SRRM5: variants seen among roughly 807,000 people sequenced by gnomAD.
SRRM5 encodes serine/arginine repetitive matrix 5, also known as serine/arginine repetitive matrix protein 5.
A neutral mutation model predicts 1.3 loss-of-function variants in SRRM5; 1 was observed. The ratio of observed to expected loss-of-function variants is 0.76; its 90% CI spans 0.27 to 3.59. SRRM5 has a LOEUF of 3.59. SRRM5 is among the 30% of genes most tolerant of loss of function. SRRM5 has a pLI of 0.19. For missense variants in SRRM5, 875 were observed against 914.5 expected (o/e 0.96, Z 0.56); for synonymous variants, 275 against 320.2 (o/e 0.86, Z 1.51).
rs1267440120 is a variant in SRRM5, at chr19:43,613,109, A to G, written c.988A>G (p.Ser330Gly). Residue 330 changes from serine (S) to glycine (G), a missense_variant, in exon 1 of 1, where the codon AGC (serine) becomes GGC (glycine). Coordinates refer to ENST00000417606, the MANE Select transcript of SRRM5 (RefSeq NM_001145641.2). The stretch of plus-strand genomic sequence containing the variant: ...AATTCTGAGCCAGATGGGAAGACAC[A>G]GCCAGTCTAGAAGCCACAGCAAGGG... ...KGILSQMGRH[S>G]QSRSHSKGKS... 1 of 1,551,672 alleles carries G rather than the reference A, an allele frequency of 6.4e-7. No homozygotes were observed. Among genetic ancestry groups the G allele is most frequent in the Admixed American group, 2.0e-5 (1 of 50,984 alleles).
chr19:43,613,509 G>T lies in SRRM5; in HGVS notation c.1388G>T (p.Arg463Leu), dbSNP rs918489460. ...CCCAACAAGGCAAGAGATCATAGCC[G>T]ATCTAGAAGTCCCAACAAGGCGAGA... ...RSPNKARDHS[R>L]SRSPNKARDR... The change falls in exon 1 of 1, where the codon CGA becomes CTA. Residue 463 changes from arginine to leucine, a missense_variant. Transcript: ENST00000417606. 16 of 1,550,394 alleles carry T rather than the reference G, an allele frequency of 1.0e-5. No individual in the cohort carries two copies. In the African/African-American group the frequency reaches 1.1e-4, roughly 11 times the overall value.
In SRRM5 at chr19:43,613,180, C is replaced by G; in HGVS notation, c.1059C>G (p.His353Gln). Residue 353 changes from histidine (H) to glutamine (Q), a missense_variant, in exon 1 of 1, where the codon CAC (histidine) becomes CAG (glutamine). His to Gln is a conservative substitution (Grantham distance 24, BLOSUM62 0). Coordinates refer to ENST00000417606, the MANE Select transcript of SRRM5 (RefSeq NM_001145641.2). Reference sequence around the variant, plus strand: ...GAACCCCCAGAAGAGGAAGAAGTCACAACTGGTCTAGAAACCCCAGCAAGG... The same window carrying G: ...GAACCCCCAGAAGAGGAAGAAGTCAGAACTGGTCTAGAAACCCCAGCAAGG... The part of the protein sequence containing the change: ...QSRTPRRGRS[H>Q]NWSRNPSKER... The G allele has an allele frequency of 6.4e-7, 1 of 1,551,704 alleles. No homozygotes were observed. Among genetic ancestry groups the G allele is most frequent in the Non-Finnish European group, 8.7e-7 (1 of 1,147,006 alleles).
Position 43,612,796 on chromosome 19 carries a change from T to G in SRRM5, c.675T>G (p.Ile225Met). 6.4e-7 allele frequency: 1 copy of G among 1,551,452 alleles called. No homozygotes were observed. The highest frequency in any genetic ancestry group is 8.7e-7 in the Non-Finnish European group (1 of 1,146,932). The change falls in exon 1 of 1, where the codon ATT (isoleucine) becomes ATG (methionine). Residue 225 changes from isoleucine to methionine, a missense_variant. Transcript: ENST00000417606. The surrounding 1 kb of genome is among the most constrained non-coding windows in gnomAD (Gnocchi z 4.2). The stretch of plus-strand genomic sequence containing the variant: ...CCAAGTGTCAAACCCCGACTGGAAT[T>G]CCCTCCAAGGAGAAGAGTGACAACC... ...STAKCQTPTG[I>M]PSKEKSDNPS...
chr19:43,614,123 C>T lies in SRRM5; in HGVS notation c.2002C>T (p.Pro668Ser), dbSNP rs749777113. 3.1e-6 allele frequency: 5 copies of T among 1,604,318 alleles called. No individual in the cohort carries two copies. Among genetic ancestry groups the T allele is most frequent in the South Asian group, 2.2e-5 (2 of 89,884 alleles). The change falls in exon 1 of 1, where the codon CCT (proline) becomes TCT (serine). Residue 668 changes from proline (P) to serine (S), a missense_variant. By Grantham distance (74) the Pro-to-Ser change is moderately conservative. Transcript: ENST00000417606. ...AAGCAGTCTCAGTCAGAATAGAACC[C>T]CTAGCAAGACAAGCAGCCACTCCCC... ...RTSSLSQNRT[P>S]SKTSSHSPST...
chr19:43,613,911 G>C lies in SRRM5; in HGVS notation c.1790G>C (p.Arg597Thr), dbSNP rs573270782. 49 of 1,551,580 alleles carry C rather than the reference G, an allele frequency of 3.2e-5. No individual in the cohort carries two copies. The South Asian group carries it at 5.6e-4, about 18-fold the overall frequency. The change falls in exon 1 of 1, where the codon AGA becomes ACA. Residue 597 changes from arginine (R) to threonine (T), a missense_variant. Coordinates refer to ENST00000417606, the MANE Select transcript of SRRM5 (RefSeq NM_001145641.2). Reference sequence around the variant, plus strand: ...GAGGAGAGAGATCACAGCCGATCTAGAAGCCCCAATAAGCAGAGTGGTTAC... The same window carrying C: ...GAGGAGAGAGATCACAGCCGATCTACAAGCCCCAATAAGCAGAGTGGTTAC... ...SSEERDHSRS[R>T]SPNKQSGYSR... is the part of the protein sequence containing the mutation.
At position 43,612,654 on chromosome 19, in the gene SRRM5, C is replaced by T; in HGVS notation, c.533C>T (p.Thr178Ile). ...SRGKSYGRPR[T>I]SNRERSDSQP... ...GGAAAGAGTTACGGCCGGCCTAGAA[C>T]CAGCAACAGGGAAAGGAGTGACAGC... Residue 178 changes from threonine to isoleucine, a missense_variant, in exon 1 of 1, where the codon ACC (threonine) becomes ATC (isoleucine). Thr to Ile is a moderately conservative substitution (Grantham distance 89, BLOSUM62 -1). Transcript: ENST00000417606. The surrounding 1 kb of genome is among the most constrained non-coding windows in gnomAD (Gnocchi z 4.2). The T allele has an allele frequency of 6.4e-7, 1 of 1,551,386 alleles. No individual in the cohort carries two copies. The highest frequency in any genetic ancestry group is 8.7e-7 in the Non-Finnish European group (1 of 1,146,964).
At position 43,612,097 on chromosome 19, in the gene SRRM5, GACC is replaced by G; in HGVS notation, c.-22_-20del. Reference sequence around the variant, plus strand: ...GTTTCATGTCTACTGTGACTTCCAGGACCACAAGCCCTTTTGCGCCCACCATGT... The same window carrying G: ...GTTTCATGTCTACTGTGACTTCCAGGACAAGCCCTTTTGCGCCCACCATGT... On this transcript the variant is annotated 5_prime_UTR_variant, in exon 1 of 1. Transcript: ENST00000417606. The surrounding 1 kb of genome is among the most constrained non-coding windows in gnomAD (Gnocchi z 4.2). 1 of 1,525,228 alleles carries G rather than the reference GACC, an allele frequency of 6.6e-7. No individual in the cohort carries two copies. Among genetic ancestry groups the G allele is most frequent in the Non-Finnish European group, 8.9e-7 (1 of 1,124,136 alleles). 94.5% of individuals were successfully genotyped at this position (1,525,228 alleles called of 1,614,324 possible).
chr19:43,613,804 A>G lies in SRRM5; in HGVS notation c.1683A>G (p.Arg561=). ...AGGAGAGAGAGCACAGACAATCCAG[A>G]AGCCCCAGCAAAGAGAGAGATCGCA... ...PSEEREHRQS[R]SPSKERDRRR... Residue 561 remains arginine (R), a synonymous_variant, in exon 1 of 1, where the codon AGA becomes AGG. Transcript: ENST00000417606. The G allele has an allele frequency of 6.5e-7, 1 of 1,549,396 alleles. No homozygotes were observed. The highest frequency in any genetic ancestry group is 1.4e-5 in the African/African-American group (1 of 73,138).
rs1187967571 is a variant in SRRM5, at chr19:43,612,794, A to G, written c.673A>G (p.Ile225Val). ...STAKCQTPTG[I>V]PSKEKSDNPS... ...AGCCAAGTGTCAAACCCCGACTGGAATTCCCTCCAAGGAGAAGAGTGACAA... is the reference window on the plus strand; with the variant it reads ...AGCCAAGTGTCAAACCCCGACTGGAGTTCCCTCCAAGGAGAAGAGTGACAA... Residue 225 changes from isoleucine to valine, a missense_variant, in exon 1 of 1, where the codon ATT becomes GTT. Transcript: ENST00000417606. This position sits in a 1 kb window ranked among gnomAD's most constrained non-coding sequence, Gnocchi z 4.2. 1 of 1,551,636 alleles carries G rather than the reference A, an allele frequency of 6.4e-7. No individual in the cohort carries two copies. Among genetic ancestry groups the G allele is most frequent in the Admixed American group, 2.0e-5 (1 of 50,990 alleles).
rs908921310 is a variant in SRRM5 at position 43,612,640 on chromosome 19, C to T, written c.519C>T (p.Tyr173=). The change falls in exon 1 of 1, where the codon TAC becomes TAT. Residue 173 remains tyrosine, a synonymous_variant. Transcript: ENST00000417606. This position sits in a 1 kb window ranked among gnomAD's most constrained non-coding sequence, Gnocchi z 4.2. The part of the protein sequence containing the change: ...SQQKGSRGKS[Y]GRPRTSNRER... ...AAAAAGGGAGCCGGGGAAAGAGTTA[C>T]GGCCGGCCTAGAACCAGCAACAGGG... 8 of 1,551,326 alleles carry T rather than the reference C, an allele frequency of 5.2e-6. No individual in the cohort carries two copies. The highest frequency in any genetic ancestry group is 2.4e-5 in the East Asian group (1 of 40,930).
chr19:43,612,528 C>T lies in SRRM5; in HGVS notation c.407C>T (p.Pro136Leu). The T allele has an allele frequency of 6.4e-7, 1 of 1,551,414 alleles. No individual in the cohort carries two copies. Among genetic ancestry groups the T allele is most frequent in the South Asian group, 1.2e-5 (1 of 84,056 alleles). The change falls in exon 1 of 1, where the codon CCC becomes CTC. Residue 136 changes from proline to leucine, a missense_variant. Coordinates refer to ENST00000417606, the MANE Select transcript of SRRM5 (RefSeq NM_001145641.2). The surrounding 1 kb of genome is among the most constrained non-coding windows in gnomAD (Gnocchi z 4.2). ...GGAAGCCGCAGCTCCAAGAGGTCAC[C>T]CAGCAGGGCCAGCACTCCTGGCAGG... ...RRGSRSSKRSPSRASTPGRIR... is the reference protein window; with the variant it reads ...RRGSRSSKRSLSRASTPGRIR...
chr19:43,614,085 C>G lies in SRRM5; in HGVS notation c.1964C>G (p.Ser655Cys). 1 of 1,566,324 alleles carries G rather than the reference C, an allele frequency of 6.4e-7. No homozygotes were observed. The change falls in exon 1 of 1, where the codon TCC becomes TGC. Residue 655 changes from serine (S) to cysteine (C), a missense_variant. Coordinates refer to ENST00000417606, the MANE Select transcript of SRRM5 (RefSeq NM_001145641.2). ...TVPRSPDWKRSPTRTSSLSQN... is the reference protein window; with the variant it reads ...TVPRSPDWKRCPTRTSSLSQN... Reference sequence around the variant, plus strand: ...CCCAGAAGTCCCGACTGGAAGAGATCCCCTACTAGGACAAGCAGTCTCAGT... The same window carrying G: ...CCCAGAAGTCCCGACTGGAAGAGATGCCCTACTAGGACAAGCAGTCTCAGT...
chr19:43,613,551 G>C lies in SRRM5; in HGVS notation c.1430G>C (p.Arg477Thr), dbSNP rs1973332044. ...PNKARDRSRS[R>T]SPSKERDHSQ... ...AAGGCGAGAGATCGCAGCCGATCTAGAAGCCCCAGCAAGGAAAGAGATCAC... is the reference window on the plus strand; with the variant it reads ...AAGGCGAGAGATCGCAGCCGATCTACAAGCCCCAGCAAGGAAAGAGATCAC... Residue 477 changes from arginine to threonine, a missense_variant, in exon 1 of 1, where the codon AGA (arginine) becomes ACA (threonine). Coordinates refer to ENST00000417606, the MANE Select transcript of SRRM5 (RefSeq NM_001145641.2). 5.2e-6 allele frequency: 8 copies of C among 1,551,538 alleles called. No homozygotes were observed. The highest frequency in any genetic ancestry group is 2.0e-5 in the Admixed American group (1 of 51,004).
rs752030651 is a variant in SRRM5, at chr19:43,612,636, G to A, written c.515G>A (p.Ser172Asn). ...TSQQKGSRGK[S>N]YGRPRTSNRE... The stretch of plus-strand genomic sequence containing the variant: ...CAGCAAAAAGGGAGCCGGGGAAAGA[G>A]TTACGGCCGGCCTAGAACCAGCAAC... The change falls in exon 1 of 1, where the codon AGT becomes AAT. Residue 172 changes from serine to asparagine, a missense_variant. Physicochemically the swap from Ser to Asn is conservative, Grantham distance 46. Transcript: ENST00000417606. The surrounding 1 kb of genome is among the most constrained non-coding windows in gnomAD (Gnocchi z 4.2). 1 of 1,551,472 alleles carries A rather than the reference G, an allele frequency of 6.4e-7. No homozygotes were observed. The highest frequency in any genetic ancestry group is 1.2e-5 in the South Asian group (1 of 84,064).
chr19:43,614,398 T>G lies in SRRM5; in HGVS notation c.*129T>G. 6.7e-7 allele frequency: 1 copy of G among 1,498,454 alleles called. No individual in the cohort carries two copies. Among genetic ancestry groups the G allele is most frequent in the Non-Finnish European group, 8.9e-7 (1 of 1,129,006 alleles). 92.8% of individuals were successfully genotyped at this position (1,498,454 alleles called of 1,614,324 possible). The stretch of plus-strand genomic sequence containing the variant: ...CCACAGCCACACCTCCGGCCACAAG[T>G]TCTCTAATACAGGATGTTGGCAGGT... On this transcript the variant is annotated 3_prime_UTR_variant, in exon 1 of 1. Transcript: ENST00000417606.
chr19:43,612,397 C>T lies in SRRM5; in HGVS notation c.276C>T (p.Ser92=), dbSNP rs1423814556. ...SRVRSKARTP[S]RVSTDTRTSK... ...TCCGCAGCAAAGCAAGAACACCCAGCAGGGTGAGCACCGACACCAGGACCA... is the reference window on the plus strand; with the variant it reads ...TCCGCAGCAAAGCAAGAACACCCAGTAGGGTGAGCACCGACACCAGGACCA... Residue 92 remains serine, a synonymous_variant, in exon 1 of 1, where the codon AGC becomes AGT. Coordinates refer to ENST00000417606, the MANE Select transcript of SRRM5 (RefSeq NM_001145641.2). The surrounding 1 kb of genome is among the most constrained non-coding windows in gnomAD (Gnocchi z 4.2). 2.6e-6 allele frequency: 4 copies of T among 1,551,714 alleles called. No homozygotes were observed. Among genetic ancestry groups the T allele is most frequent in the African/African-American group, 1.4e-5 (1 of 73,154 alleles).
rs1463596469 is a variant in SRRM5, at chr19:43,613,601, G to A, written c.1480G>A (p.Glu494Lys). 2 of 1,550,324 alleles carry A rather than the reference G, an allele frequency of 1.3e-6. No individual in the cohort carries two copies. The highest frequency in any genetic ancestry group is 4.9e-5 in the East Asian group (2 of 40,884). ...DHSQLGSPSK[E>K]RDHRRSRSPS... ...CAGCCAACTTGGAAGCCCCAGCAAA[G>A]AGAGAGATCACAGACGATCTAGAAG... Residue 494 changes from glutamate to lysine, a missense_variant, in exon 1 of 1, where the codon GAG becomes AAG. Transcript: ENST00000417606.
In SRRM5 at chr19:43,613,699, C is replaced by A. The variant is rs534357188; in HGVS notation, c.1578C>A (p.Ser526Arg). Reference sequence around the variant, plus strand: ...AGAGAGATCACAGACGATCTAGAAGCCCCAGCAAGGAGAGACAGCGCAGAC... The same window carrying A: ...AGAGAGATCACAGACGATCTAGAAGACCCAGCAAGGAGAGACAGCGCAGAC... ...SKERDHRRSR[S>R]PSKERQRRQS... Residue 526 changes from serine (S) to arginine (R), a missense_variant, in exon 1 of 1, where the codon AGC (serine) becomes AGA (arginine). Transcript: ENST00000417606. 9 of 1,551,334 alleles carry A rather than the reference C, an allele frequency of 5.8e-6. No homozygotes were observed. The South Asian group carries it at 8.3e-5, about 14-fold the overall frequency.
rs1283342121 is a variant in SRRM5, at chr19:43,613,586, G to C, written c.1465G>C (p.Gly489Arg). Residue 489 changes from glycine to arginine, a missense_variant, in exon 1 of 1, where the codon GGA (glycine) becomes CGA (arginine). By Grantham distance (125) the Gly-to-Arg change is moderately radical (BLOSUM62 -2). Transcript: ENST00000417606. ...PSKERDHSQL[G>R]SPSKERDHRR... ...CAAGGAAAGAGATCACAGCCAACTT[G>C]GAAGCCCCAGCAAAGAGAGAGATCA... The C allele has an allele frequency of 6.5e-7, 1 of 1,538,440 alleles. No homozygotes were observed. The highest frequency in any genetic ancestry group is 2.0e-5 in the Admixed American group (1 of 49,594).
Sources: gnomAD v4.1 joint callset for allele counts on GRCh38, gnomAD v4.1.1 for gene constraint, Gnocchi (gnomAD v3.1) non-coding constraint, MANE v1.5 for transcripts, NCBI Gene and HGNC (gene_info 2026-07-23, HGNC 2026-07-21) for gene names.